TRIML2: variants seen among roughly 807,000 people sequenced by gnomAD.
TRIML2 encodes the protein probable E3 ubiquitin-protein ligase TRIML2.
In TRIML2, 28 loss-of-function variants were observed where a neutral mutation model predicts 31.2. That is an observed-to-expected ratio of 0.90 (90% CI 0.66 to 1.23). The LOEUF is 1.23. Among genes scored for constraint, TRIML2 ranks in the 50% most tolerant of loss-of-function variants. The probability of loss-of-function intolerance (pLI) is 0.00; values close to 1 mark genes in which losing one functional copy is unlikely to be tolerated. For synonymous variants in TRIML2, 187 were observed against 197.5 expected (o/e 0.95, Z 0.45); for missense variants, 536 against 528.3 (o/e 1.01, Z -0.14).
At chr4:188,104,808 C>A (rs1431321901) in intron 3 of TRIML2, 29 bp downstream of exon 3, 2 of 1,541,876 alleles carry the variant, frequency 1.3e-6, no homozygotes, top group Non-Finnish European at 9.0e-7. Context: ...GTAATTTCCC[C>A]CCAAGAATCA....
Position 188,097,127 on chromosome 4 carries a change from C to T in TRIML2, c.679G>A (p.Ala227Thr), listed in dbSNP as rs755811658. The change falls in exon 7 of 8, where the codon GCT becomes ACT. Residue 227 changes from alanine (A) to threonine (T), a missense_variant. Physicochemically the swap from Ala to Thr is moderately conservative, Grantham distance 58 (BLOSUM62 0). Transcript: ENST00000682553. ...KSLLLEHLEP[A>T]HITDLSLCHI... ...CATAAACTCAGGTCTGTGATATGAGCGGGCTCCAGATGCTCAAGCAGCAGT... is the reference window on the plus strand; with the variant it reads ...CATAAACTCAGGTCTGTGATATGAGTGGGCTCCAGATGCTCAAGCAGCAGT... 2.4e-5 allele frequency: 39 copies of T among 1,613,948 alleles called. No individual in the cohort carries two copies. The highest frequency in any genetic ancestry group is 1.6e-4 in the South Asian group (15 of 91,082).
At chr4:188,106,835 G>A in intron 1 of TRIML2, 1 of 252,496 alleles carries the variant, frequency 4.0e-6, no homozygotes, top group Non-Finnish European at 8.2e-6. Context: ...GAGAAGACAG[G>A]CCGGGCTGAG....
Position 188,097,161 on chromosome 4 carries a change from C to A in TRIML2, c.645G>T (p.Arg215Ser), listed in dbSNP as rs373149881. 8.1e-6 allele frequency: 13 copies of A among 1,613,672 alleles called. No homozygotes were observed. The highest frequency in any genetic ancestry group is 1.1e-5 in the Non-Finnish European group (13 of 1,179,806). Residue 215 changes from arginine (R) to serine (S), a missense_variant and splice_region_variant, in exon 7 of 8, where the codon AGG becomes AGT. Arg to Ser is a moderately radical substitution (Grantham distance 110). Transcript: ENST00000682553. ...LLKNAKYSLE[R>S]SKSLLLEHLE... ...GATGCTCAAGCAGCAGTGACTTGCT[C>A]CTGAAGAGAAAGGACAGCCTCAGTC...
intron 7 of TRIML2, chr4:188,092,880 C>T (rs1733329240): frequency 2.2e-6 from 1 of 456,658 alleles, no homozygotes; most frequent in Non-Finnish European, 4.4e-6. Flanking sequence ...TTCTGCCCAG[C>T]CTCTAACTAT....
intron 1 of TRIML2, among the ~76,000 whole-genome samples, chr4:188,108,146 C>T (rs1309847530): frequency 6.6e-6 from 1 of 152,144 alleles, no homozygotes; most frequent in Non-Finnish European, 1.5e-5. Flanking sequence ...TCTGGTCCCA[C>T]ATCCTCTGAA....
Position 188,099,164 on chromosome 4 carries a change from A to G in TRIML2, c.492T>C (p.Arg164=). 1.9e-6 allele frequency: 3 copies of G among 1,610,286 alleles called. No individual in the cohort carries two copies. Among genetic ancestry groups the G allele is most frequent in the South Asian group, 1.1e-5 (1 of 90,168 alleles). The change falls in exon 5 of 8, where the codon CGT becomes CGC. Residue 164 remains arginine (R), a synonymous_variant. Coordinates refer to ENST00000682553, the MANE Select transcript of TRIML2 (RefSeq NM_173553.4). The stretch of plus-strand genomic sequence containing the variant: ...GTTTCTCCATGTTCTCTCTCCCCAC[A>G]CGGCCCAGTCTCTGCAGAAGCATTT... ...MFQEMLQRLG[R]VGRENMEKLK...
rs1288179448 is a variant in TRIML2, at chr4:188,094,384, T to G, written c.746-2443A>C. Among the ~76,000 whole-genome samples, 3 of 152,216 alleles carry G rather than the reference T, an allele frequency of 2.0e-5. No individual in the cohort carries two copies. In the South Asian group the frequency reaches 6.2e-4, roughly 31 times the overall value. On this transcript the variant is annotated intron_variant, in intron 7 of 7. Coordinates refer to ENST00000682553, the MANE Select transcript of TRIML2 (RefSeq NM_173553.4). ...TTTGTAGAAAATCCTGAAGGATCTA[T>G]TTATAGAAATCCACTGTCTAATGAG...
At chr4:188,102,746 G>A (rs1336118989) in intron 3 of TRIML2, among the ~76,000 whole-genome samples, 3 of 150,798 alleles carry the variant, frequency 2.0e-5, no homozygotes, top group Admixed American at 1.3e-4. Context: ...CTACCTGGGA[G>A]ACTAAGGCAG....
Position 188,098,361 on chromosome 4 carries a change from T to C in TRIML2, c.621+674A>G, listed in dbSNP as rs145281509. The C allele has an allele frequency of 2.8e-4, 102 of 359,940 alleles. 1 individual carries two copies. The East Asian group carries it at 7.8e-3, about 27-fold the overall frequency. 22.3% of individuals were successfully genotyped at this position (359,940 alleles called of 1,614,324 possible). A position where few individuals can be genotyped will look rare whatever the true frequency, so the allele number is the denominator to read the frequency against. On this transcript the variant is annotated intron_variant, in intron 5 of 7. Transcript: ENST00000682553. Reference sequence around the variant, plus strand: ...AGCCTCACAAGCTGAAGGGGTGAGGTCTTCCTCGGCCTCTTTTATAAGAGC... The same window carrying C: ...AGCCTCACAAGCTGAAGGGGTGAGGCCTTCCTCGGCCTCTTTTATAAGAGC...
chr4:188,102,845 A>G (rs1733857464), intron 3 of TRIML2, among the ~76,000 whole-genome samples: 1 of 145,582 alleles, frequency 6.9e-6, no homozygotes, highest in Non-Finnish European at 1.5e-5. Flanking sequence ...ACGAAACTTC[A>G]TCTCAAAAAA....
intron 4 of TRIML2, among the ~76,000 whole-genome samples, chr4:188,100,513 G>A (rs566473200): frequency 1.3e-5 from 2 of 152,290 alleles, no homozygotes; most frequent in East Asian, 3.9e-4. Context: ...ATGAGGTCAG[G>A]AGATCGAGAC....
At chr4:188,092,939 A>G (rs1053294276) in intron 7 of TRIML2, 24 of 454,948 alleles carry the variant, frequency 5.3e-5, no homozygotes, top group African/African-American at 4.2e-4. Flanking sequence ...CAAGTAGTAT[A>G]TTCTCCTTCA....
Position 188,091,699 on chromosome 4 carries a change from T to C in TRIML2, c.988A>G (p.Ser330Gly), listed in dbSNP as rs143397084. 4.3e-6 allele frequency: 7 copies of C among 1,613,230 alleles called. No homozygotes were observed. Among genetic ancestry groups the C allele is most frequent in the African/African-American group, 4.0e-5 (3 of 74,932 alleles). Residue 330 changes from serine to glycine, a missense_variant, in exon 8 of 8, where the codon AGC (serine) becomes GGC (glycine). Ser to Gly is a moderately conservative substitution (Grantham distance 56, BLOSUM62 0). Coordinates refer to ENST00000682553, the MANE Select transcript of TRIML2 (RefSeq NM_173553.4). ...TTCTCTCCGGAAGCTCTGGCCGTGC[T>C]GCCCTTCGCGTCTGCAGAGCCGTGG... ...IYHGSADAKG[S>G]TARASGEKVL...
intron 7 of TRIML2, among the ~76,000 whole-genome samples, chr4:188,094,355 T>A (rs1285398431): frequency 6.6e-6 from 1 of 152,186 alleles, no homozygotes. Flanking sequence ...ATATACTGCA[T>A]GACTTTGTAG....
At chr4:188,103,901 C>T (rs1183137026) in intron 3 of TRIML2, among the ~76,000 whole-genome samples, 2 of 152,050 alleles carry the variant, frequency 1.3e-5, no homozygotes, top group Non-Finnish European at 2.9e-5. Context: ...CCTAGCCAGG[C>T]AATTCTCCTC....
At chr4:188,095,277 T>C (rs1208941508) in intron 7 of TRIML2, among the ~76,000 whole-genome samples, 1 of 152,104 alleles carries the variant, frequency 6.6e-6, no homozygotes, top group African/African-American at 2.4e-5. Flanking sequence ...ACTTGATAAA[T>C]TGAACTTCAT....
chr4:188,108,468 C>T (rs7700222), intron 1 of TRIML2, among the ~76,000 whole-genome samples: 57,349 of 151,998 alleles, frequency 0.38, 12,019 homozygotes, highest in Middle Eastern at 0.52. Flanking sequence ...CCTCGTCCAT[C>T]TCCAGCTCCT....
At chr4:188,103,512 G>A (rs1344762568) in intron 3 of TRIML2, among the ~76,000 whole-genome samples, 1 of 151,744 alleles carries the variant, frequency 6.6e-6, no homozygotes, top group Non-Finnish European at 1.5e-5. Flanking sequence ...CCACATACAC[G>A]GCAGCCTCCA....
chr4:188,104,223 C>T (rs973236520), intron 3 of TRIML2, among the ~76,000 whole-genome samples: 2 of 152,184 alleles, frequency 1.3e-5, no homozygotes, highest in African/African-American at 4.8e-5. Flanking sequence ...ATTTTACTCA[C>T]CATATAATTT....
Sources: gnomAD v4.1 joint callset for allele counts (sites outside exome capture counted in the v4.1 genomes callset) on GRCh38, gnomAD v4.1.1 for gene constraint, MANE v1.5 for transcripts, NCBI Gene and HGNC (gene_info 2026-07-23, HGNC 2026-07-21) for gene names.